RFX3: variants seen among roughly 807,000 people sequenced by gnomAD.
RFX3 encodes the protein regulatory factor X3, also known as transcription factor RFX3.
RFX3 carries 14 observed loss-of-function variants against 98.6 expected under a neutral mutation model. The ratio of observed to expected loss-of-function variants is 0.14; its 90% CI spans 0.09 to 0.22. The LOEUF (loss-of-function observed/expected upper bound fraction) is 0.22. Ranked by LOEUF, RFX3 falls within the 10% of genes least tolerant of loss-of-function variation. The probability of loss-of-function intolerance (pLI) is 1.00; values close to 1 mark genes in which losing one functional copy is unlikely to be tolerated. For missense variants in RFX3, 639 were observed against 926.9 expected (o/e 0.69, Z 4.03); for synonymous variants, 383 against 328.4 (o/e 1.17, Z -1.80).
At chr9:3,490,267 T>A (rs1850629307) in intron 1 of RFX3, 23 of 919,786 alleles carry the variant, frequency 2.5e-5, no homozygotes, top group Non-Finnish European at 3.0e-5. Context: ...AAAGAACATG[T>A]GTTCAAATTA....
chr9:3,394,960 G>A, intron 2 of RFX3: 1 of 341,614 alleles, frequency 2.9e-6, no homozygotes, highest in Non-Finnish European at 4.1e-6. Context: ...CAGATCTCCA[G>A]ACCTTGAAGA....
At chr9:3,385,362 G>C (rs1404289688) in intron 2 of RFX3, among the ~76,000 whole-genome samples, 1 of 152,084 alleles carries the variant, frequency 6.6e-6, no homozygotes, top group Non-Finnish European at 1.5e-5. Flanking sequence ...CAAAACTATG[G>C]AATCAACTAA....
intron 3 of RFX3, 21 bp from the exon 4 acceptor site, chr9:3,330,538 AG>A (rs1832471853): frequency 6.3e-7 from 1 of 1,580,700 alleles, no homozygotes; most frequent in African/African-American, 1.4e-5. Context: ...AGAAGAAAAA[AG>A]AAATTTACTA....
At chr9:3,378,836 G>A (rs1206663870) in intron 2 of RFX3, among the ~76,000 whole-genome samples, 11 of 152,094 alleles carry the variant, frequency 7.2e-5, no homozygotes, top group East Asian at 1.9e-4. Flanking sequence ...GATTACAGGC[G>A]TGAACTACCA....
chr9:3,265,210 T>C (rs1823464976), intron 12 of RFX3, among the ~76,000 whole-genome samples: 1 of 152,214 alleles, frequency 6.6e-6, no homozygotes, highest in Admixed American at 6.5e-5. Flanking sequence ...GAGCTAGTTT[T>C]TTCATTTCAC....
intron 2 of RFX3, among the ~76,000 whole-genome samples, chr9:3,385,404 T>C (rs1192233969): frequency 6.6e-6 from 1 of 151,900 alleles, no homozygotes; most frequent in African/African-American, 2.4e-5. Context: ...ATACAGTAAG[T>C]GATCTGTTGA....
chr9:3,231,033 GA>G (rs1308666387), intron 15 of RFX3, among the ~76,000 whole-genome samples: 1 of 152,130 alleles, frequency 6.6e-6, no homozygotes, highest in Non-Finnish European at 1.5e-5. Context: ...GCTGAAAACA[GA>G]AACCAAAACA....
chr9:3,251,192 A>C (rs1477599152), intron 14 of RFX3, among the ~76,000 whole-genome samples: 2 of 152,222 alleles, frequency 1.3e-5, no homozygotes, highest in Non-Finnish European at 2.9e-5. Flanking sequence ...TTAAGATATA[A>C]TTGCAAATAA....
intron 15 of RFX3, among the ~76,000 whole-genome samples, chr9:3,236,802 G>C (rs935257931): frequency 6.6e-5 from 10 of 152,162 alleles, no homozygotes; most frequent in African/African-American, 2.4e-4. Flanking sequence ...AGGGTCATCA[G>C]GTACCTTGGA....
chr9:3,307,350 A>G (rs1486578529), intron 4 of RFX3, among the ~76,000 whole-genome samples: 1 of 152,136 alleles, frequency 6.6e-6, no homozygotes, highest in Admixed American at 6.6e-5. Context: ...GCCACTGTTA[A>G]AAAGTCTTGA....
chr9:3,399,086 G>A (rs1413357533), intron 1 of RFX3, among the ~76,000 whole-genome samples: 2 of 151,796 alleles, frequency 1.3e-5, no homozygotes, highest in Non-Finnish European at 2.9e-5. Flanking sequence ...GACTCAGAGT[G>A]ATTACAAAAT....
At chr9:3,377,685 C>A (rs1008919154) in intron 2 of RFX3, among the ~76,000 whole-genome samples, 1 of 152,060 alleles carries the variant, frequency 6.6e-6, no homozygotes, top group African/African-American at 2.4e-5. Context: ...GAAAGCAGAC[C>A]AGTATTTTCC....
intron 2 of RFX3, among the ~76,000 whole-genome samples, chr9:3,370,135 C>A (rs1837671936): frequency 6.6e-6 from 1 of 151,192 alleles, no homozygotes; most frequent in African/African-American, 2.4e-5. Context: ...GCCACCACGC[C>A]CAGCCCAGAG....
At chr9:3,467,245 AT>A (rs1848378247) in intron 1 of RFX3, among the ~76,000 whole-genome samples, 1 of 145,368 alleles carries the variant, frequency 6.9e-6, no homozygotes. Flanking sequence ...TACAATATAT[AT>A]TATATATACA....
intron 1 of RFX3, chr9:3,488,991 A>G: frequency 1.9e-6 from 1 of 517,554 alleles, no homozygotes; most frequent in Non-Finnish European, 2.5e-6. Flanking sequence ...TTTGATTGAA[A>G]CAACATGAAC....
At chr9:3,475,078 C>G (rs1380707503) in intron 1 of RFX3, among the ~76,000 whole-genome samples, 7 of 127,694 alleles carry the variant, frequency 5.5e-5, no homozygotes, top group Non-Finnish European at 1.1e-4. Flanking sequence ...ACAGCCTGGG[C>G]AACAGAGCAA....
At position 3,517,552 on chromosome 9, in the gene RFX3, A is replaced by C. The variant is rs535676212; in HGVS notation, c.-9+8195T>G. 3.9e-5 allele frequency among the ~76,000 whole-genome samples: 6 copies of C among 152,276 alleles called. No individual in the cohort carries two copies. The East Asian group carries it at 1.2e-3, about 29-fold the overall frequency. ...GAACCTTCAGAAATCTTGACCAAGC[A>C]CTCTAAAGCAAAGGCAAGCAGTACT... On this transcript the variant is annotated intron_variant, in intron 1 of 16. Transcript: ENST00000617270.
intron 9 of RFX3, 72 bp downstream of exon 9, chr9:3,275,428 T>C (rs758851444): frequency 1.7e-4 from 145 of 837,868 alleles, no homozygotes; most frequent in Admixed American, 9.5e-5. Context: ...AGGAATAAGC[T>C]TGATTATTTT....
intron 1 of RFX3, among the ~76,000 whole-genome samples, chr9:3,414,508 TAA>T (rs1033152420): frequency 4.0e-5 from 6 of 150,684 alleles, no homozygotes; most frequent in East Asian, 1.9e-4. Flanking sequence ...TATACATATA[TAA>T]GAGTATATAT....
Sources: allele counts gnomAD v4.1 joint callset (sites outside exome capture counted in the v4.1 genomes callset), GRCh38; gene constraint gnomAD v4.1.1; transcripts MANE v1.5; gene names NCBI Gene and HGNC (gene_info 2026-07-23, HGNC 2026-07-21).